SPATA16: variants seen among roughly 807,000 people sequenced by gnomAD.
The protein encoded by SPATA16 is spermatogenesis associated 16.
In SPATA16, 36 loss-of-function variants were observed where a neutral mutation model predicts 63.3. That is an observed-to-expected ratio of 0.57 (90% CI 0.44 to 0.75). The LOEUF is 0.75. Ranked by LOEUF, SPATA16 falls within the 30% of genes least tolerant of loss-of-function variation. The pLI is 0.00. For missense variants in SPATA16, 646 were observed against 679.3 expected (o/e 0.95, Z 0.54); for synonymous variants, 203 against 216.7 (o/e 0.94, Z 0.56).
At chr3:173,130,358 C>CAAA (rs1202660573) in intron 1 of SPATA16, among the ~76,000 whole-genome samples, 55 of 39,882 alleles carry the variant, frequency 1.4e-3, no homozygotes, top group East Asian at 4.2e-3. Context: ...GACTTCGTCT[C>CAAA]AAAAAAAAAA....
At chr3:172,917,752 C>T (rs1312063124) in intron 8 of SPATA16, among the ~76,000 whole-genome samples, 3 of 152,172 alleles carry the variant, frequency 2.0e-5, no homozygotes. Flanking sequence ...AGAAGGCAGA[C>T]ATATAATTTC....
chr3:172,920,181 T>C (rs1732588079), intron 8 of SPATA16, among the ~76,000 whole-genome samples: 1 of 152,216 alleles, frequency 6.6e-6, no homozygotes, highest in African/African-American at 2.4e-5. Context: ...CTTGAATATA[T>C]CACTACTCTG....
chr3:172,920,003 T>C (rs1732583984), intron 8 of SPATA16, among the ~76,000 whole-genome samples: 1 of 152,180 alleles, frequency 6.6e-6, no homozygotes, highest in Admixed American at 6.5e-5. Context: ...TATATGTTCA[T>C]TTTTTAAAAA....
Position 172,889,647 on chromosome 3 carries a change from A to C in SPATA16, c.1633T>G (p.Leu545Val), listed in dbSNP as rs1731853932. The part of the protein sequence containing the change: ...DFLYQLEDSF[L>V]KTKKLRTARR... The stretch of plus-strand genomic sequence containing the variant: ...GCAGTTCTCAGTTTTTTAGTTTTTA[A>C]GAAACTGTCCTCTAATTGGTATAGA... The change falls in exon 11 of 11, where the codon TTA (leucine) becomes GTA (valine). Residue 545 changes from leucine (L) to valine (V), a missense_variant. By Grantham distance (32) the Leu-to-Val change is conservative. Transcript: ENST00000351008. 1 of 1,613,606 alleles carries C rather than the reference A, an allele frequency of 6.2e-7. No individual in the cohort carries two copies. The highest frequency in any genetic ancestry group is 8.5e-7 in the Non-Finnish European group (1 of 1,179,844).
At chr3:173,060,396 T>G (rs1267552613) in intron 2 of SPATA16, among the ~76,000 whole-genome samples, 1 of 152,014 alleles carries the variant, frequency 6.6e-6, no homozygotes, top group East Asian at 1.9e-4. Context: ...GTAATTTAAA[T>G]TAGGGAATTA....
chr3:172,984,362 A>G (rs1439382573), intron 4 of SPATA16, among the ~76,000 whole-genome samples: 8 of 152,180 alleles, frequency 5.3e-5, no homozygotes, highest in Non-Finnish European at 2.9e-5. Context: ...CACTTTGCCT[A>G]TTTAAGTGAT....
chr3:173,120,136 C>T (rs1738023003), intron 1 of SPATA16, among the ~76,000 whole-genome samples: 1 of 151,794 alleles, frequency 6.6e-6, no homozygotes. Context: ...TTGCTGGCAT[C>T]CAACATCTTT....
At chr3:172,947,590 C>T (rs1429010883) in intron 6 of SPATA16, among the ~76,000 whole-genome samples, 1 of 151,778 alleles carries the variant, frequency 6.6e-6, no homozygotes, top group African/African-American at 2.4e-5. Context: ...AAGTGGAATA[C>T]TATGCAGCCA....
intron 4 of SPATA16, among the ~76,000 whole-genome samples, chr3:172,988,990 T>C (rs759160098): frequency 2.6e-5 from 4 of 152,214 alleles, no homozygotes; most frequent in Non-Finnish European, 5.9e-5. Flanking sequence ...GAGTTACATC[T>C]ATTCAGAGCA....
chr3:172,957,248 C>T (rs998078370), intron 5 of SPATA16, among the ~76,000 whole-genome samples: 30 of 152,174 alleles, frequency 2.0e-4, no homozygotes, highest in African/African-American at 7.2e-4. Flanking sequence ...CTGTAAATAA[C>T]ACGGCAAACT....
chr3:173,018,344 G>A (rs12488013), intron 4 of SPATA16, among the ~76,000 whole-genome samples: 15,681 of 149,534 alleles, frequency 0.1, 906 homozygotes, highest in Middle Eastern at 0.14. Context: ...GCGCGATCTC[G>A]GCTCACCACA....
chr3:173,072,471 T>G (rs77916280), intron 2 of SPATA16, among the ~76,000 whole-genome samples: 28,374 of 152,146 alleles, frequency 0.19, 3,016 homozygotes, highest in African/African-American at 0.29. Context: ...AAGAGACCCA[T>G]TGTGAGATAA....
intron 5 of SPATA16, among the ~76,000 whole-genome samples, chr3:172,961,069 T>TCTTCCTTCCTTCCTTCCTTCCTTC (rs770794784): frequency 3.5e-4 from 25 of 72,362 alleles, no homozygotes; most frequent in East Asian, 7.5e-4. Context: ...CTTTCTTCTT[T>TCTTCCTTCCTTCCTTCCTTCCTTC]CTTCCTTCCT....
chr3:172,945,939 C>T (rs1158725029), intron 6 of SPATA16, among the ~76,000 whole-genome samples: 1 of 152,130 alleles, frequency 6.6e-6, no homozygotes, highest in Non-Finnish European at 1.5e-5. Flanking sequence ...GTCACCTCTC[C>T]CCCAACCACA....
chr3:173,003,503 C>T (rs1397964992), intron 4 of SPATA16, among the ~76,000 whole-genome samples: 1 of 152,174 alleles, frequency 6.6e-6, no homozygotes, highest in African/African-American at 2.4e-5. Context: ...TAATCTTCGA[C>T]AAGTCATTTA....
chr3:173,118,100 A>G (rs1037435354), intron 1 of SPATA16, among the ~76,000 whole-genome samples: 4 of 152,200 alleles, frequency 2.6e-5, no homozygotes, highest in Non-Finnish European at 4.4e-5. Context: ...AAGTAAATCT[A>G]TCTCAATATT....
chr3:173,134,926 T>G (rs2108350362), intron 1 of SPATA16, among the ~76,000 whole-genome samples: 1 of 152,306 alleles, frequency 6.6e-6, no homozygotes, highest in Non-Finnish European at 1.5e-5. Flanking sequence ...ATGACTTGGA[T>G]AGGCAAGGAT....
chr3:173,097,474 C>T (rs1439247851), intron 2 of SPATA16, among the ~76,000 whole-genome samples: 3 of 152,108 alleles, frequency 2.0e-5, no homozygotes, highest in Non-Finnish European at 4.4e-5. Flanking sequence ...AATTTGTATT[C>T]GTTTTGCTGT....
chr3:172,911,637 G>C (rs145982346), intron 10 of SPATA16, among the ~76,000 whole-genome samples: 26 of 152,280 alleles, frequency 1.7e-4, no homozygotes, highest in Non-Finnish European at 3.1e-4. Context: ...GCCAAAAGCT[G>C]CTCCTATGAG....
Sources: allele counts gnomAD v4.1 joint callset (sites outside exome capture counted in the v4.1 genomes callset), GRCh38; gene constraint gnomAD v4.1.1; transcripts MANE v1.5; gene names NCBI Gene and HGNC (gene_info 2026-07-23, HGNC 2026-07-21).